DNAH11: variants seen among roughly 807,000 people sequenced by gnomAD.
DNAH11 encodes the protein dynein axonemal heavy chain 11.
DNAH11 carries 442 observed loss-of-function variants against 526.0 expected under a neutral mutation model. The ratio of observed to expected loss-of-function variants is 0.84; its 90% CI spans 0.78 to 0.91. DNAH11 has a LOEUF of 0.91. Ranked by LOEUF, DNAH11 falls within the 40% of genes least tolerant of loss-of-function variation. DNAH11 has a pLI of 0.00. For missense variants in DNAH11, 6,989 were observed against 5,448.7 expected, an observed-to-expected ratio of 1.28 and a Z score of -8.90; for synonymous variants, 2,461 against 1,935.9, an observed-to-expected ratio of 1.27 and a Z score of -7.12.
chr7:21,823,283 GT>G (rs938336268), intron 65 of DNAH11, among the ~76,000 whole-genome samples: 1 of 151,814 alleles, frequency 6.6e-6, no homozygotes, highest in Non-Finnish European at 1.5e-5. Context: ...TCCCCCCTCG[GT>G]TTTTTCCTAA....
At chr7:21,713,015 G>C (rs1396440318) in intron 42 of DNAH11, among the ~76,000 whole-genome samples, 1 of 152,190 alleles carries the variant, frequency 6.6e-6, no homozygotes. Context: ...ATGTATGTTT[G>C]CATGTATGTA....
chr7:21,716,530 G>C (rs1784669366), intron 42 of DNAH11, among the ~76,000 whole-genome samples: 1 of 152,140 alleles, frequency 6.6e-6, no homozygotes, highest in African/African-American at 2.4e-5. Context: ...GCATATCCAG[G>C]CAGTTTCACT....
intron 60 of DNAH11, 79 bp downstream of exon 60, chr7:21,787,662 G>A: frequency 7.7e-7 from 1 of 1,291,236 alleles, no homozygotes; most frequent in South Asian, 1.9e-5. Context: ...TCAGCGAGAA[G>A]AGTAAAATTT....
chr7:21,701,141 T>C (rs1223768752), intron 36 of DNAH11, among the ~76,000 whole-genome samples: 1 of 151,976 alleles, frequency 6.6e-6, no homozygotes, highest in African/African-American at 2.4e-5. Context: ...TTCTTTCCCC[T>C]CCCTTTCCTC....
rs149567250 is a variant in DNAH11 at position 21,557,878 on chromosome 7, A to G, written c.496-924A>G. Among the ~76,000 whole-genome samples the G allele has an allele frequency of 4.6e-5, 7 of 152,364 alleles. No homozygotes were observed. In the East Asian group the frequency reaches 1.2e-3, roughly 25 times the overall value. ...CTCACCTACTGAGCTCACTGAGGGC[A>G]GGGACTATCTTGTACTAATCTCTGT... On this transcript the variant is annotated intron_variant, in intron 2 of 81. Coordinates refer to ENST00000409508, the MANE Select transcript of DNAH11 (RefSeq NM_001277115.2).
At chr7:21,562,116 T>C (rs1384906487) in intron 5 of DNAH11, among the ~76,000 whole-genome samples, 1 of 152,244 alleles carries the variant, frequency 6.6e-6, no homozygotes, top group African/African-American at 2.4e-5. Context: ...TGGTTTTTCA[T>C]TGGCCAAATT....
rs537694142 is a variant in DNAH11 at position 21,777,855 on chromosome 7, G to A, written c.9337-1103G>A. 7.9e-5 allele frequency among the ~76,000 whole-genome samples: 12 copies of A among 152,238 alleles called. 1 individual carries two copies. Among genetic ancestry groups the A allele is most frequent in the African/African-American group, 2.6e-4 (11 of 41,530 alleles). On this transcript the variant is annotated intron_variant, in intron 56 of 81. Transcript: ENST00000409508. Reference sequence around the variant, plus strand: ...GATAGAGTGTGAATATACTGTGTTGGGTGGAAACTACAAGATTACTTGGAT... The same window carrying A: ...GATAGAGTGTGAATATACTGTGTTGAGTGGAAACTACAAGATTACTTGGAT...
chr7:21,860,015 A>C (rs1286662567), intron 68 of DNAH11, among the ~76,000 whole-genome samples: 1 of 152,124 alleles, frequency 6.6e-6, no homozygotes, highest in Non-Finnish European at 1.5e-5. Flanking sequence ...CTACAAAAAA[A>C]TTCAAAAATT....
At position 21,809,079 on chromosome 7, in the gene DNAH11, G is replaced by C. The variant is rs147130593; in HGVS notation, c.10332+1030G>C. 3.4e-4 allele frequency among the ~76,000 whole-genome samples: 51 copies of C among 152,190 alleles called. No individual in the cohort carries two copies. In the Middle Eastern group the frequency reaches 0.01, roughly 30 times the overall value. On this transcript the variant is annotated intron_variant, in intron 63 of 81. Transcript: ENST00000409508. ...CTTTTTGATAATAGCCATTCTAACT[G>C]AGGTGAAATTATATCTCACTGTGGT...
At chr7:21,651,561 G>A (rs887816321) in intron 28 of DNAH11, among the ~76,000 whole-genome samples, 3 of 152,036 alleles carry the variant, frequency 2.0e-5, no homozygotes, top group Admixed American at 6.6e-5. Flanking sequence ...GAGTCATGAC[G>A]GTAGATCAAC....
At chr7:21,685,408 G>GT (rs1272186062) in intron 32 of DNAH11, among the ~76,000 whole-genome samples, 3 of 152,166 alleles carry the variant, frequency 2.0e-5, no homozygotes, top group African/African-American at 4.8e-5. Context: ...CACCATGTGG[G>GT]TTTTTTGGGA....
intron 8 of DNAH11, among the ~76,000 whole-genome samples, chr7:21,577,746 A>G (rs1784155434): frequency 1.3e-5 from 2 of 152,358 alleles, no homozygotes; most frequent in Middle Eastern, 3.4e-3. Flanking sequence ...CAAAAGGTTT[A>G]AATAAGAGTC....
chr7:21,831,063 C>G (rs1790531746), intron 65 of DNAH11, among the ~76,000 whole-genome samples: 1 of 152,176 alleles, frequency 6.6e-6, no homozygotes, highest in African/African-American at 2.4e-5. Context: ...CCGTGTGATG[C>G]AGTGACAAGG....
chr7:21,823,647 A>G (rs1442785624), intron 65 of DNAH11, among the ~76,000 whole-genome samples: 2 of 152,158 alleles, frequency 1.3e-5, no homozygotes, highest in Non-Finnish European at 2.9e-5. Context: ...TTCTTTATGC[A>G]TAAGAATCAT....
intron 2 of DNAH11, among the ~76,000 whole-genome samples, chr7:21,547,507 AC>A (rs1782849544): frequency 6.6e-6 from 1 of 152,204 alleles, no homozygotes; most frequent in African/African-American, 2.4e-5. Flanking sequence ...GTGGTTGAGT[AC>A]TATGGGGTTA....
At chr7:21,843,336 A>G (rs1222289624) in intron 66 of DNAH11, among the ~76,000 whole-genome samples, 1 of 152,174 alleles carries the variant, frequency 6.6e-6, no homozygotes, top group Non-Finnish European at 1.5e-5. Context: ...TTCTTTGGCA[A>G]GAAGGGGTGA....
At chr7:21,845,266 G>T (rs1782376292) in intron 66 of DNAH11, among the ~76,000 whole-genome samples, 2 of 151,798 alleles carry the variant, frequency 1.3e-5, no homozygotes, top group African/African-American at 2.4e-5. Flanking sequence ...CTTGTTTTTT[G>T]GTATCATATC....
chr7:21,788,772 A>G (rs1275920367), intron 60 of DNAH11, among the ~76,000 whole-genome samples: 4 of 152,228 alleles, frequency 2.6e-5, no homozygotes, highest in Non-Finnish European at 5.9e-5. Context: ...TGATCTCAGC[A>G]TTGGCTATAG....
chr7:21,884,481 C>T, intron 76 of DNAH11, 71 bp downstream of exon 76: 1 of 1,421,152 alleles, frequency 7.0e-7, no homozygotes, highest in East Asian at 2.5e-5. Context: ...ATTTTATAAA[C>T]TAATTATACT....
Sources: gnomAD v4.1 joint callset for allele counts (sites outside exome capture counted in the v4.1 genomes callset) on GRCh38, gnomAD v4.1.1 for gene constraint, MANE v1.5 for transcripts, NCBI Gene and HGNC (gene_info 2026-07-23, HGNC 2026-07-21) for gene names.